FAM124A: variants seen among roughly 807,000 people sequenced by gnomAD.
The protein encoded by FAM124A is family with sequence similarity 124 member A.
In FAM124A, 23 loss-of-function variants were observed where a neutral mutation model predicts 24.5. That is an observed-to-expected ratio of 0.94 (90% CI 0.68 to 1.33). The LOEUF is 1.33. Ranked by LOEUF, FAM124A falls within the 40% of genes most tolerant of loss-of-function variation. The pLI, the probability that FAM124A is intolerant of heterozygous loss-of-function variation, is 0.00. For synonymous variants in FAM124A, 287 were observed against 314.7 expected (o/e 0.91, Z 0.93); for missense variants, 623 against 722.8 (o/e 0.86, Z 1.58).
intron 1 of FAM124A, 67 bp from the exon 2 acceptor site, chr13:51,231,281 T>G: frequency 1.3e-6 from 2 of 1,589,432 alleles, no homozygotes; most frequent in Non-Finnish European, 8.6e-7. Flanking sequence ...ACTGACTGTT[T>G]AAAATTCTGG....
chr13:51,236,041 A>G (rs777682279), intron 2 of FAM124A, among the ~76,000 whole-genome samples: 6 of 152,022 alleles, frequency 3.9e-5, no homozygotes, highest in Non-Finnish European at 8.8e-5. Context: ...CTGTCCCTCC[A>G]GTAACTCAGA....
chr13:51,259,948 T>A (rs1423598501), intron 3 of FAM124A, among the ~76,000 whole-genome samples: 1 of 151,996 alleles, frequency 6.6e-6, no homozygotes, highest in East Asian at 1.9e-4. Context: ...TGCAGGAGGC[T>A]GAGGGAGCAG....
At chr13:51,240,891 C>T (rs1051607157) in intron 2 of FAM124A, among the ~76,000 whole-genome samples, 1 of 152,218 alleles carries the variant, frequency 6.6e-6, no homozygotes, top group Non-Finnish European at 1.5e-5. Flanking sequence ...TTTCTCAGAA[C>T]GCTTCTGGCA....
rs1011395576 is a variant in FAM124A, at chr13:51,263,632, G to A, written c.834+11431G>A. Reference sequence around the variant, plus strand: ...CACGTGAAACCCTCCAATCCCCTTTGAGAAGGAAGCAAGTCAACGGTGCCC... The same window carrying A: ...CACGTGAAACCCTCCAATCCCCTTTAAGAAGGAAGCAAGTCAACGGTGCCC... On this transcript the variant is annotated intron_variant, in intron 3 of 3. Coordinates refer to ENST00000322475, the MANE Select transcript of FAM124A (RefSeq NM_001242312.2). Among the ~76,000 whole-genome samples the A allele has an allele frequency of 3.9e-5, 6 of 152,332 alleles. No individual in the cohort carries two copies. In the Middle Eastern group the frequency reaches 0.01, roughly 259 times the overall value.
Position 51,251,655 on chromosome 13 carries a change from C to T in FAM124A, c.288C>T (p.Gly96=), listed in dbSNP as rs374533479. Residue 96 remains glycine, a synonymous_variant, in exon 3 of 4, where the codon GGC becomes GGT. Transcript: ENST00000322475. The surrounding 1 kb of genome is among the most constrained non-coding windows in gnomAD (Gnocchi z 5.3). Reference sequence around the variant, plus strand: ...GGCGGCGGCGGAAGCCCCCCAAGGGCGCTCAGCCAGCGCTGGCTGTGGTGC... The same window carrying T: ...GGCGGCGGCGGAAGCCCCCCAAGGGTGCTCAGCCAGCGCTGGCTGTGGTGC... ...ASRRRRKPPK[G]AQPALAVVLF... 5.1e-6 allele frequency: 8 copies of T among 1,580,644 alleles called. No individual in the cohort carries two copies. Among genetic ancestry groups the T allele is most frequent in the Non-Finnish European group, 6.0e-6 (7 of 1,162,098 alleles).
chr13:51,260,467 C>T (rs1202159736), intron 3 of FAM124A, among the ~76,000 whole-genome samples: 1 of 152,212 alleles, frequency 6.6e-6, no homozygotes, highest in Non-Finnish European at 1.5e-5. Context: ...TGCAGGAAAG[C>T]ATTTACCCTA....
At chr13:51,237,673 GATCA>G (rs1316871668) in intron 2 of FAM124A, among the ~76,000 whole-genome samples, 5 of 152,202 alleles carry the variant, frequency 3.3e-5, no homozygotes, top group Non-Finnish European at 7.3e-5. Flanking sequence ...CATCTGTACA[GATCA>G]ATCTGATTTC....
At chr13:51,242,054 G>A (rs762232625) in intron 2 of FAM124A, among the ~76,000 whole-genome samples, 8 of 152,220 alleles carry the variant, frequency 5.3e-5, no homozygotes, top group Admixed American at 1.3e-4. Context: ...CCTTGGGATA[G>A]GCTTAGGCTA....
rs915469266 is a variant in FAM124A at position 51,251,485 on chromosome 13, G to A, written c.118G>A (p.Glu40Lys). The A allele has an allele frequency of 6.7e-7, 1 of 1,498,190 alleles. No homozygotes were observed. Among genetic ancestry groups the A allele is most frequent in the Non-Finnish European group, 8.9e-7 (1 of 1,122,896 alleles). 92.8% of individuals were successfully genotyped at this position (1,498,190 alleles called of 1,614,324 possible). A position where few individuals can be genotyped will look rare whatever the true frequency, so the allele number is the denominator to read the frequency against. ...GCCCCCAGGTGAGCTTTCCGTTGAA[G>A]AGGCGCAGGACCCTTTCCTGGTCAG... ...SSTSSELSVE[E>K]AQDPFLVSIH... The change falls in exon 3 of 4, where the codon GAG (glutamate) becomes AAG (lysine). Residue 40 changes from glutamate to lysine, a missense_variant. Coordinates refer to ENST00000322475, the MANE Select transcript of FAM124A (RefSeq NM_001242312.2). This position sits in a 1 kb window ranked among gnomAD's most constrained non-coding sequence, Gnocchi z 5.3.
intron 3 of FAM124A, among the ~76,000 whole-genome samples, chr13:51,256,673 G>A (rs938668377): frequency 7.2e-5 from 11 of 152,152 alleles, no homozygotes; most frequent in African/African-American, 2.2e-4. Context: ...GACTTATTTT[G>A]TAATTGTTAA....
intron 3 of FAM124A, among the ~76,000 whole-genome samples, chr13:51,279,527 T>G (rs1954915093): frequency 6.6e-6 from 1 of 152,164 alleles, no homozygotes; most frequent in Non-Finnish European, 1.5e-5. Flanking sequence ...AGGTTGGCCT[T>G]GGGTTCTGGC....
chr13:51,232,445 A>G (rs1484482338), intron 2 of FAM124A, among the ~76,000 whole-genome samples: 1 of 152,172 alleles, frequency 6.6e-6, no homozygotes, highest in Admixed American at 6.6e-5. Flanking sequence ...GAGACACTTA[A>G]TTGGATTATT....
At chr13:51,249,842 G>T (rs73194192) in intron 2 of FAM124A, among the ~76,000 whole-genome samples, 12,392 of 152,284 alleles carry the variant, frequency 0.081, 713 homozygotes, top group East Asian at 0.27. Flanking sequence ...TGGGTCTTCA[G>T]AGGGCTGCTG....
intron 2 of FAM124A, among the ~76,000 whole-genome samples, chr13:51,243,885 T>C (rs549981490): frequency 2.0e-5 from 3 of 152,274 alleles, no homozygotes; most frequent in African/African-American, 7.2e-5. Flanking sequence ...GACATGTCTT[T>C]GTTGTGTGTG....
chr13:51,274,616 T>C (rs1051083987), intron 3 of FAM124A, among the ~76,000 whole-genome samples: 1 of 152,172 alleles, frequency 6.6e-6, no homozygotes, highest in Non-Finnish European at 1.5e-5. Flanking sequence ...AATCAAATAA[T>C]ATTTATTGGT....
intron 3 of FAM124A, among the ~76,000 whole-genome samples, chr13:51,277,240 A>T (rs1014469321): frequency 6.7e-6 from 1 of 148,678 alleles, no homozygotes; most frequent in Non-Finnish European, 1.5e-5. Context: ...AAAGTCAAAT[A>T]CCACATGTTC....
At chr13:51,275,755 A>T (rs1410144970) in intron 3 of FAM124A, among the ~76,000 whole-genome samples, 1 of 152,224 alleles carries the variant, frequency 6.6e-6, no homozygotes, top group African/African-American at 2.4e-5. Context: ...AGCAACTGGA[A>T]TACTTATAAA....
At chr13:51,231,151 TC>T (rs2137648015) in intron 1 of FAM124A, among the ~76,000 whole-genome samples, 196 bp from the exon 2 acceptor site, 1 of 152,372 alleles carries the variant, frequency 6.6e-6, no homozygotes, top group East Asian at 1.9e-4. Context: ...CCCCCAGAAT[TC>T]TAAAGTTCCT....
intron 2 of FAM124A, among the ~76,000 whole-genome samples, chr13:51,242,190 CAGTAT>C (rs1954503915): frequency 6.6e-6 from 1 of 152,170 alleles, no homozygotes; most frequent in South Asian, 2.1e-4. Context: ...TCTGGATCTC[CAGTAT>C]TTGTTGAGAT....
Sources: gnomAD v4.1 joint callset for allele counts (sites outside exome capture counted in the v4.1 genomes callset) on GRCh38, gnomAD v4.1.1 for gene constraint, Gnocchi (gnomAD v3.1) non-coding constraint, MANE v1.5 for transcripts, NCBI Gene and HGNC (gene_info 2026-07-23, HGNC 2026-07-21) for gene names.